Variants in PPP2R2A observed in about 807,000 individuals in gnomAD.
PPP2R2A encodes serine/threonine-protein phosphatase 2A 55 kDa regulatory subunit B alpha isoform.
PPP2R2A carries 9 observed loss-of-function variants against 53.2 expected under a neutral mutation model. The ratio of observed to expected loss-of-function variants is 0.17; its 90% confidence interval spans 0.10 to 0.30. The LOEUF is 0.30. Among genes scored for constraint, PPP2R2A ranks in the 10% least tolerant of loss-of-function variants. The pLI is 1.00. For synonymous variants in PPP2R2A, 169 were observed against 174.2 expected (o/e 0.97, Z 0.23); for missense variants, 235 against 534.6 (o/e 0.44, Z 5.53).
chr8:26,313,167 A>G (rs1802373147), intron 2 of PPP2R2A, among the ~76,000 whole-genome samples: 2 of 151,094 alleles, frequency 1.3e-5, no homozygotes, highest in South Asian at 2.1e-4. Context: ...CCAAGTAGCT[A>G]GGACTACAGA....
intron 2 of PPP2R2A, among the ~76,000 whole-genome samples, chr8:26,327,932 T>A (rs1417270890): frequency 6.6e-6 from 1 of 152,160 alleles, no homozygotes; most frequent in East Asian, 1.9e-4. Flanking sequence ...TTCTGTGCTG[T>A]TTTGTGCCGG....
chr8:26,302,304 C>G (rs1464698119), intron 2 of PPP2R2A, among the ~76,000 whole-genome samples: 4 of 152,210 alleles, frequency 2.6e-5, no homozygotes, highest in African/African-American at 9.6e-5. Flanking sequence ...AAACACGTCT[C>G]TGCCATTGTG....
intron 2 of PPP2R2A, among the ~76,000 whole-genome samples, chr8:26,328,785 T>C (rs1803221949): frequency 6.6e-6 from 1 of 152,134 alleles, no homozygotes; most frequent in Admixed American, 6.5e-5. Flanking sequence ...AGAAGTGGGG[T>C]TAAGAGTGAT....
At chr8:26,344,505 T>C (rs1804109235) in intron 3 of PPP2R2A, among the ~76,000 whole-genome samples, 1 of 152,234 alleles carries the variant, frequency 6.6e-6, no homozygotes, top group Non-Finnish European at 1.5e-5. Context: ...TTAGACTTTT[T>C]AATATGAGCT....
intron 2 of PPP2R2A, among the ~76,000 whole-genome samples, chr8:26,312,860 G>C (rs1249046581): frequency 1.3e-5 from 2 of 151,980 alleles, no homozygotes; most frequent in African/African-American, 4.8e-5. Flanking sequence ...TGTTGTTTTA[G>C]ATTGATTTTT....
At chr8:26,352,299 T>G (rs1426938163) in intron 3 of PPP2R2A, among the ~76,000 whole-genome samples, 1 of 152,168 alleles carries the variant, frequency 6.6e-6, no homozygotes, top group Non-Finnish European at 1.5e-5. Context: ...CTGTACTTTG[T>G]TTGTGCAGGG....
At chr8:26,308,216 T>C (rs978929446) in intron 2 of PPP2R2A, among the ~76,000 whole-genome samples, 2 of 152,252 alleles carry the variant, frequency 1.3e-5, no homozygotes, top group East Asian at 1.9e-4. Flanking sequence ...CTTATCTTGA[T>C]GTTGATGGCT....
At chr8:26,296,715 TTGAA>T (rs1370917271) in intron 2 of PPP2R2A, among the ~76,000 whole-genome samples, 1 of 152,184 alleles carries the variant, frequency 6.6e-6, no homozygotes, top group African/African-American at 2.4e-5. Context: ...GAATATTTGT[TTGAA>T]TGAAGGAACG....
chr8:26,357,931 G>A (rs1369299728), intron 4 of PPP2R2A, among the ~76,000 whole-genome samples: 1 of 152,040 alleles, frequency 6.6e-6, no homozygotes, highest in Non-Finnish European at 1.5e-5. Flanking sequence ...ACAGTTTTAT[G>A]GAGTTTGATT....
intron 2 of PPP2R2A, among the ~76,000 whole-genome samples, chr8:26,317,409 G>A (rs777779074): frequency 6.6e-6 from 1 of 152,116 alleles, no homozygotes; most frequent in Admixed American, 6.5e-5. Flanking sequence ...TGAGTTTCAC[G>A]TATGAGGAAA....
chr8:26,314,671 AC>A (rs1489500183), intron 2 of PPP2R2A, among the ~76,000 whole-genome samples: 12 of 152,112 alleles, frequency 7.9e-5, no homozygotes, highest in Admixed American at 7.2e-4. Flanking sequence ...TTCCGGTGTT[AC>A]ATTTGAGAAC....
intron 1 of PPP2R2A, 111 bp from the exon 2 acceptor site, chr8:26,293,555 G>A (rs937570324): frequency 8.9e-6 from 9 of 1,013,242 alleles, no homozygotes; most frequent in Non-Finnish European, 1.0e-5. Flanking sequence ...AGTTGTATGT[G>A]TGGGCAGAAC....
Position 26,361,528 on chromosome 8 carries a change from G to A in PPP2R2A, c.637+377G>A, listed in dbSNP as rs141760029. Reference sequence around the variant, plus strand: ...GGCTGAGGTGGGAAGATCACTTGAGGCCAGGAGTTCAAGGTTTACAGTGAG... The same window carrying A: ...GGCTGAGGTGGGAAGATCACTTGAGACCAGGAGTTCAAGGTTTACAGTGAG... On this transcript the variant is annotated intron_variant, in intron 6 of 9. Transcript: ENST00000380737. 8.0e-3 allele frequency among the ~76,000 whole-genome samples: 1,223 copies of A among 152,144 alleles called. 10 individuals carry two copies. Among genetic ancestry groups the A allele is most frequent in the Non-Finnish European group, 0.013 (852 of 67,980 alleles).
intron 3 of PPP2R2A, among the ~76,000 whole-genome samples, chr8:26,341,248 C>T (rs1266623528): frequency 6.6e-6 from 1 of 152,072 alleles, no homozygotes; most frequent in Non-Finnish European, 1.5e-5. Flanking sequence ...TGTGTTTTGC[C>T]TATTTAATTT....
chr8:26,322,902 T>C (rs2117272022), intron 2 of PPP2R2A, among the ~76,000 whole-genome samples: 1 of 152,348 alleles, frequency 6.6e-6, no homozygotes, highest in Non-Finnish European at 1.5e-5. Context: ...CCACTTTTGC[T>C]GAAATCACTA....
intron 2 of PPP2R2A, among the ~76,000 whole-genome samples, chr8:26,334,850 A>T (rs1278550702): frequency 6.6e-6 from 1 of 152,246 alleles, no homozygotes; most frequent in Non-Finnish European, 1.5e-5. Context: ...GGGTATCAGA[A>T]CATGAGAAGA....
At chr8:26,318,227 T>C (rs985579763) in intron 2 of PPP2R2A, among the ~76,000 whole-genome samples, 7 of 152,208 alleles carry the variant, frequency 4.6e-5, no homozygotes, top group Admixed American at 3.3e-4. Context: ...CCTTCCTCCT[T>C]CCAGTGTTAC....
rs1344505234 is a variant in PPP2R2A at position 26,362,892 on chromosome 8, T to G, written c.802+44T>G. On this transcript the variant is annotated intron_variant, in intron 7 of 9. Transcript: ENST00000380737. The surrounding 1 kb of genome is among the most constrained non-coding windows in gnomAD (Gnocchi z 4.4). ...TCCTTAAAATGATTACATATTCTGT[T>G]TGTCTGAAATAAGCCTCAGACATGA... 1 of 1,562,448 alleles carries G rather than the reference T, an allele frequency of 6.4e-7. No homozygotes were observed. The highest frequency in any genetic ancestry group is 8.8e-7 in the Non-Finnish European group (1 of 1,141,886).
At chr8:26,351,132 C>T (rs2117369618) in intron 3 of PPP2R2A, among the ~76,000 whole-genome samples, 1 of 152,050 alleles carries the variant, frequency 6.6e-6, no homozygotes, top group African/African-American at 2.4e-5. Context: ...CAGTATTTTT[C>T]TTAGGGTTAC....
Sources: gnomAD v4.1 joint callset for allele counts (sites outside exome capture counted in the v4.1 genomes callset) on GRCh38, gnomAD v4.1.1 for gene constraint, Gnocchi (gnomAD v3.1) non-coding constraint, MANE v1.5 for transcripts, NCBI Gene and HGNC (gene_info 2026-07-23, HGNC 2026-07-21) for gene names.